The following CPO variants were observed in gnomAD, a reference collection of about 807,000 sequenced individuals.
CPO encodes carboxypeptidase O.
Under a neutral mutation model 41.2 loss-of-function variants are expected in CPO, and 43 were observed. That is an observed-to-expected ratio of 1.04 (90% CI 0.82 to 1.35). The LOEUF (loss-of-function observed/expected upper bound fraction) is 1.35, where lower values mean the gene tolerates loss of function less well. Ranked by LOEUF, CPO falls within the 40% of genes most tolerant of loss-of-function variation. The pLI is 0.00. For missense variants in CPO, 408 were observed against 451.7 expected (o/e 0.90, Z 0.88); for synonymous variants, 178 against 162.7 (o/e 1.09, Z -0.72).
intron 8 of CPO, among the ~76,000 whole-genome samples, chr2:206,968,787 A>G (rs547834688): frequency 3.3e-5 from 5 of 152,316 alleles, no homozygotes; most frequent in South Asian, 4.1e-4. Context: ...TCCACCCTCT[A>G]TGAGCCCCCC....
rs911379520 is a variant in CPO at position 206,949,842 on chromosome 2, A to G, written c.165+129A>G. On this transcript the variant is annotated intron_variant, in intron 2 of 8. Coordinates refer to ENST00000272852, the MANE Select transcript of CPO (RefSeq NM_173077.3). ...ATGTGGTGTTAAGATCTGCCAATAC[A>G]TTGAGTTCAAGGGATTCCTGAACAT... is the stretch of plus-strand genomic sequence containing the variant. 30 of 536,338 alleles carry G rather than the reference A, an allele frequency of 5.6e-5. No homozygotes were observed. The East Asian group carries it at 9.4e-4, about 17-fold the overall frequency. 33.2% of individuals were successfully genotyped at this position (536,338 alleles called of 1,614,324 possible).
At chr2:206,960,630 A>G (rs1185905168) in intron 5 of CPO, among the ~76,000 whole-genome samples, 1 of 152,232 alleles carries the variant, frequency 6.6e-6, no homozygotes, top group Non-Finnish European at 1.5e-5. Flanking sequence ...TTAATTGTTT[A>G]CATGTATGTA....
chr2:206,950,049 A>G (rs754716376), intron 2 of CPO, among the ~76,000 whole-genome samples: 1 of 152,200 alleles, frequency 6.6e-6, no homozygotes, highest in South Asian at 2.1e-4. Flanking sequence ...GCTGGGCAGC[A>G]TTGCTGTTTA....
chr2:206,959,844 C>A (rs1163797709), intron 5 of CPO, 103 bp downstream of exon 5: 8 of 565,930 alleles, frequency 1.4e-5, no homozygotes, highest in African/African-American at 3.8e-5. Context: ...ATATTTCATA[C>A]CTATGTAAAG....
In CPO at chr2:206,956,468, T is replaced by A. The variant is rs115492774; in HGVS notation, c.267+904T>A. On this transcript the variant is annotated intron_variant, in intron 3 of 8. Transcript: ENST00000272852. Reference sequence around the variant, plus strand: ...CTGAGGGCTTGTTACAAATGCACACTCTCAGGTCCCTGCAAAGGTCTACTA... The same window carrying A: ...CTGAGGGCTTGTTACAAATGCACACACTCAGGTCCCTGCAAAGGTCTACTA... Among the ~76,000 whole-genome samples, 459 of 152,180 alleles carry A rather than the reference T, an allele frequency of 3.0e-3. 3 individuals are homozygous for A. Among genetic ancestry groups the A allele is most frequent in the African/African-American group, 1.0e-2 (415 of 41,520 alleles).
In CPO at chr2:206,958,297, C is replaced by G. The variant is rs1273505037; in HGVS notation, c.268-4C>G. ...TAGTAATGGGGCATGGATATCTTCT[C>G]CAGATCAGCCAACCATCTGGTAATC... On this transcript the variant is annotated splice_region_variant and splice_polypyrimidine_tract_variant and intron_variant, in intron 3 of 8. Transcript: ENST00000272852. 1.3e-5 allele frequency: 20 copies of G among 1,543,490 alleles called. No individual in the cohort carries two copies. The South Asian group carries it at 2.3e-4, about 18-fold the overall frequency.
intron 2 of CPO, among the ~76,000 whole-genome samples, chr2:206,954,836 C>G (rs1693328512): frequency 6.6e-6 from 1 of 152,132 alleles, no homozygotes; most frequent in African/African-American, 2.4e-5. Context: ...ATGGCGGCAG[C>G]AAGGAGAAGT....
intron 3 of CPO, among the ~76,000 whole-genome samples, chr2:206,956,317 C>T (rs751953087): frequency 1.3e-5 from 2 of 152,132 alleles, no homozygotes; most frequent in African/African-American, 4.8e-5. Context: ...AGGCATACTT[C>T]GAACACTCTC....
chr2:206,939,795 G>C (rs975016047), intron 1 of CPO, 128 bp downstream of exon 1: 40 of 541,724 alleles, frequency 7.4e-5, no homozygotes, highest in Admixed American at 3.4e-5. Context: ...CATGAGATGA[G>C]AATAATAAAG....
intron 4 of CPO, among the ~76,000 whole-genome samples, chr2:206,959,016 C>T (rs773663624): frequency 5.3e-5 from 8 of 152,064 alleles, no homozygotes; most frequent in Non-Finnish European, 7.4e-5. Flanking sequence ...GCTGGGATTA[C>T]AGGCATGAGC....
intron 8 of CPO, 79 bp from the exon 9 acceptor site, chr2:206,969,095 T>G (rs1195337856): frequency 1.4e-6 from 2 of 1,409,130 alleles, no homozygotes; most frequent in African/African-American, 2.8e-5. Context: ...TAAGTGAACC[T>G]TTAGTTCCTG....
At chr2:206,964,196 T>G (rs538475247) in intron 7 of CPO, among the ~76,000 whole-genome samples, 3 of 152,308 alleles carry the variant, frequency 2.0e-5, no homozygotes, top group Admixed American at 6.5e-5. Context: ...GAAAAACCAC[T>G]GTAGACCTTT....
chr2:206,967,358 T>G (rs11886008), intron 7 of CPO, among the ~76,000 whole-genome samples: 6 of 94,384 alleles, frequency 6.4e-5, no homozygotes, highest in Admixed American at 2.0e-4. Flanking sequence ...TATAGATATA[T>G]AGATATAGAT....
rs1693440588 is a variant in CPO, at chr2:206,959,611, T to C, written c.373-20T>C. 9.5e-7 allele frequency: 1 copy of C among 1,047,464 alleles called. No homozygotes were observed. Among genetic ancestry groups the C allele is most frequent in the Non-Finnish European group, 1.5e-6 (1 of 672,828 alleles). 64.9% of individuals were successfully genotyped at this position (1,047,464 alleles called of 1,614,324 possible). On this transcript the variant is annotated intron_variant, in intron 4 of 8. Transcript: ENST00000272852. The stretch of plus-strand genomic sequence containing the variant: ...AAAGATCTCAAAATAATTCTGAACA[T>C]TTCTTTCTTAAATTTCCAGATTCTA...
At chr2:206,944,037 G>A (rs748957795) in intron 1 of CPO, among the ~76,000 whole-genome samples, 11 of 151,952 alleles carry the variant, frequency 7.2e-5, no homozygotes, top group Non-Finnish European at 1.0e-4. Context: ...ATTGTCTTAA[G>A]TAGATTTTTA....
At chr2:206,957,318 G>A (rs1196933145) in intron 3 of CPO, among the ~76,000 whole-genome samples, 1 of 151,912 alleles carries the variant, frequency 6.6e-6, no homozygotes, top group East Asian at 1.9e-4. Context: ...GGAGGTTGCA[G>A]TGAGCCGAGA....
chr2:206,943,750 A>G (rs1310374420), intron 1 of CPO, among the ~76,000 whole-genome samples: 1 of 151,106 alleles, frequency 6.6e-6, no homozygotes, highest in East Asian at 1.9e-4. Flanking sequence ...AGATAGATAG[A>G]TAGATAGATA....
chr2:206,954,845 G>A (rs1378836812), intron 2 of CPO, among the ~76,000 whole-genome samples: 1 of 152,196 alleles, frequency 6.6e-6, no homozygotes, highest in Non-Finnish European at 1.5e-5. Context: ...GCAAGGAGAA[G>A]TGCAGAGTGA....
chr2:206,963,906 G>A (rs1329607676), intron 7 of CPO, among the ~76,000 whole-genome samples: 2 of 152,098 alleles, frequency 1.3e-5, no homozygotes, highest in Non-Finnish European at 2.9e-5. Context: ...ATTTTTTGGG[G>A]AACCACCATA....
Sources: allele counts gnomAD v4.1 joint callset (sites outside exome capture counted in the v4.1 genomes callset), GRCh38; gene constraint gnomAD v4.1.1; transcripts MANE v1.5; gene names NCBI Gene and HGNC (gene_info 2026-07-23, HGNC 2026-07-21).